The following MICAL2 variants were observed in gnomAD, a reference collection of about 807,000 sequenced individuals.
The protein encoded by MICAL2 is [F-actin]-monooxygenase MICAL2.
MICAL2 carries 77 observed loss-of-function variants against 127.3 expected under a neutral mutation model. The ratio of observed to expected loss-of-function variants is 0.60; its 90% CI spans 0.50 to 0.73. The LOEUF (loss-of-function observed/expected upper bound fraction) is 0.73. Among genes scored for constraint, MICAL2 ranks in the 30% least tolerant of loss-of-function variants. MICAL2 has a pLI of 0.00. For synonymous variants in MICAL2, 570 were observed against 551.1 expected, an observed-to-expected ratio of 1.03 and a Z score of -0.48; for missense variants, 1,351 against 1,434.4, an observed-to-expected ratio of 0.94 and a Z score of 0.94.
intron 24 of MICAL2, among the ~76,000 whole-genome samples, chr11:12,269,604 T>C (rs867888579): frequency 6.6e-6 from 1 of 152,182 alleles, no homozygotes; most frequent in Non-Finnish European, 1.5e-5. Flanking sequence ...CATTTCCCTG[T>C]GTCTGGCCCA....
downstream of MICAL2, among the ~76,000 whole-genome samples, chr11:12,268,767 G>T (rs1425706470): frequency 6.6e-6 from 1 of 151,992 alleles, no homozygotes; most frequent in Non-Finnish European, 1.5e-5. Flanking sequence ...AAGGTGGGCG[G>T]ATCAGGAGGT....
At chr11:12,190,804 A>G (rs6485567) in intron 3 of MICAL2, among the ~76,000 whole-genome samples, 134,033 of 152,266 alleles carry the variant, frequency 0.88, 59,264 homozygotes, top group Non-Finnish European at 0.92. Flanking sequence ...TACCAGATAA[A>G]CATCTTTAAG....
At chr11:12,217,035 C>T (rs1242945641) in intron 8 of MICAL2, among the ~76,000 whole-genome samples, 2 of 152,160 alleles carry the variant, frequency 1.3e-5, no homozygotes, top group Non-Finnish European at 2.9e-5. Context: ...GGCCTTGCGA[C>T]TTCATGCTTA....
intron 23 of MICAL2, 190 bp downstream of exon 23, chr11:12,255,940 C>T: frequency 1.8e-6 from 1 of 542,776 alleles, no homozygotes; most frequent in Non-Finnish European, 3.3e-6. Context: ...AGACAGATCT[C>T]ACTCAGGTCC....
At chr11:12,144,686 C>T (rs988189) in intron 2 of MICAL2, among the ~76,000 whole-genome samples, 25,705 of 152,182 alleles carry the variant, frequency 0.17, 2,663 homozygotes, top group East Asian at 0.27. Flanking sequence ...CCTCAATGCT[C>T]GTGCACCTAG....
Position 12,248,759 on chromosome 11 carries a change from G to A in MICAL2, c.2785-425G>A, listed in dbSNP as rs1452443437. Among the ~76,000 whole-genome samples the A allele has an allele frequency of 2.6e-5, 4 of 152,264 alleles. No homozygotes were observed. In the South Asian group the frequency reaches 6.2e-4, roughly 24 times the overall value. On this transcript the variant is annotated intron_variant, in intron 21 of 27. Coordinates refer to ENST00000683283, the MANE Select transcript of MICAL2 (RefSeq NM_001282663.2). ...CATCCCGCCTTTGTTTGACCTGGTA[G>A]GAGGATAAATCTCAGGGACAGGTCT...
intron 1 of MICAL2, among the ~76,000 whole-genome samples, chr11:12,279,944 C>A (rs1565291626): frequency 6.6e-6 from 1 of 152,220 alleles, no homozygotes; most frequent in Non-Finnish European, 1.5e-5. Flanking sequence ...TGGCAGTGAC[C>A]TTGTGGAAGG....
chr11:12,114,305 A>G (rs1274820521), intron 1 of MICAL2, among the ~76,000 whole-genome samples: 1 of 152,238 alleles, frequency 6.6e-6, no homozygotes, highest in Non-Finnish European at 1.5e-5. Flanking sequence ...TGTCTTGCAT[A>G]ACCACACTTC....
intron 14 of MICAL2, 22 bp from the exon 15 acceptor site, chr11:12,227,003 G>T (rs771886961): frequency 1.9e-6 from 3 of 1,589,574 alleles, no homozygotes. Flanking sequence ...CCAAATCACA[G>T]TTGCGCTTTA....
intron 31 of MICAL2, among the ~76,000 whole-genome samples, chr11:12,324,724 A>ATCCCTTTCTCCATTTAT (rs1864336411): frequency 6.6e-6 from 1 of 152,168 alleles, no homozygotes; most frequent in Non-Finnish European, 1.5e-5. Context: ...ATACCCTCAC[A>ATCCCTTTCTCCATTTAT]TCCCTTTCTC....
chr11:12,116,814 T>C (rs1026960189), intron 1 of MICAL2: 1 of 152,242 alleles, frequency 6.6e-6, no homozygotes, highest in Non-Finnish European at 1.5e-5. Context: ...ATGTATGGAA[T>C]AGTGTCTGAA....
chr11:12,225,358 A>T (rs1278175132), intron 13 of MICAL2, among the ~76,000 whole-genome samples: 1 of 152,228 alleles, frequency 6.6e-6, no homozygotes, highest in Admixed American at 6.5e-5. Flanking sequence ...AGCATGGTGC[A>T]TCTGTGTTTA....
intron 2 of MICAL2, among the ~76,000 whole-genome samples, chr11:12,159,939 A>G (rs919198217): frequency 1.3e-5 from 2 of 152,194 alleles, no homozygotes; most frequent in African/African-American, 4.8e-5. Context: ...CAGGGCACAG[A>G]GCCCCCTTCC....
chr11:12,266,043 C>T (rs1375201075), downstream of MICAL2, among the ~76,000 whole-genome samples: 1 of 152,124 alleles, frequency 6.6e-6, no homozygotes, highest in African/African-American at 2.4e-5. Context: ...ACCCAGGAGG[C>T]AGAGGTTGCA....
intron 33 of MICAL2, chr11:12,354,757 A>G: frequency 1.9e-6 from 3 of 1,604,944 alleles, no homozygotes; most frequent in South Asian, 2.2e-5. Context: ...TATAGTATTC[A>G]TAAAATTTGA....
downstream of MICAL2, among the ~76,000 whole-genome samples, chr11:12,361,918 T>G (rs548222767): frequency 6.6e-6 from 1 of 152,292 alleles, no homozygotes; most frequent in South Asian, 2.1e-4. Flanking sequence ...TGTGGTGAGC[T>G]CAAATGTAGG....
At chr11:12,284,799 A>G (rs1359327809) in intron 2 of MICAL2, among the ~76,000 whole-genome samples, 1 of 152,134 alleles carries the variant, frequency 6.6e-6, no homozygotes, top group Non-Finnish European at 1.5e-5. Flanking sequence ...CTGTGTGCCC[A>G]TCCATACAGG....
At chr11:12,196,521 A>G (rs1206676908) in intron 3 of MICAL2, among the ~76,000 whole-genome samples, 1 of 152,160 alleles carries the variant, frequency 6.6e-6, no homozygotes, top group Non-Finnish European at 1.5e-5. Flanking sequence ...TTCCAGGTAT[A>G]GAGGACAGGA....
chr11:12,339,913 A>T (rs1469715432), intron 32 of MICAL2, among the ~76,000 whole-genome samples: 3 of 152,198 alleles, frequency 2.0e-5, no homozygotes, highest in Admixed American at 6.5e-5. Flanking sequence ...TTGAGGAGGC[A>T]GTCTGCCCGT....
Sources: allele counts gnomAD v4.1 joint callset (sites outside exome capture counted in the v4.1 genomes callset), GRCh38; gene constraint gnomAD v4.1.1; transcripts MANE v1.5; gene names NCBI Gene and HGNC (gene_info 2026-07-23, HGNC 2026-07-21).